Variants in SLC12A1 observed in about 807,000 individuals in gnomAD.
SLC12A1 encodes the protein solute carrier family 12 member 1, also known as Na-K-2Cl cotransporter.
SLC12A1 carries 89 observed loss-of-function variants against 130.4 expected under a neutral mutation model. The ratio of observed to expected loss-of-function variants is 0.68; its 90% CI spans 0.58 to 0.81. The LOEUF is 0.81. Among genes scored for constraint, SLC12A1 ranks in the 40% least tolerant of loss-of-function variants. SLC12A1 has a pLI of 0.00. For missense variants in SLC12A1, 1,310 were observed against 1,336.4 expected, an observed-to-expected ratio of 0.98 and a Z score of 0.31; for synonymous variants, 499 against 460.0, an observed-to-expected ratio of 1.08 and a Z score of -1.09.
chr15:48,285,956 A>G (rs1386830847), intron 21 of SLC12A1, among the ~76,000 whole-genome samples: 1 of 152,222 alleles, frequency 6.6e-6, no homozygotes, highest in Non-Finnish European at 1.5e-5. Context: ...TCAGAATGTT[A>G]CCAGGCATTT....
chr15:48,208,782 C>T (rs984158891), intron 2 of SLC12A1, among the ~76,000 whole-genome samples: 6 of 152,136 alleles, frequency 3.9e-5, no homozygotes, highest in East Asian at 1.9e-4. Context: ...CTATGTCAAT[C>T]GTATAAAAAG....
intron 4 of SLC12A1, chr15:48,225,825 A>G: frequency 1.2e-6 from 1 of 802,548 alleles, no homozygotes; most frequent in African/African-American, 1.9e-5. Context: ...ACCATTTAAT[A>G]CCTTTATTTT....
intron 16 of SLC12A1, among the ~76,000 whole-genome samples, chr15:48,258,391 G>T: frequency 1.5e-5 from 2 of 131,268 alleles, no homozygotes; most frequent in South Asian, 2.8e-4. Flanking sequence ...AAAAAAGAGT[G>T]ACCTTTACTC....
Position 48,292,221 on chromosome 15 carries a change from G to A in SLC12A1, c.2960+357G>A, listed in dbSNP as rs1445134104. Among the ~76,000 whole-genome samples the A allele has an allele frequency of 2.0e-5, 3 of 152,156 alleles. No individual in the cohort carries two copies. The East Asian group carries it at 5.8e-4, about 29-fold the overall frequency. On this transcript the variant is annotated intron_variant, in intron 24 of 26. Coordinates refer to ENST00000380993, the MANE Select transcript of SLC12A1 (RefSeq NM_000338.3). ...CAAGTTTTGTTATTCAGAGTTACTCGTGGGGCAGCCTGGATGGGGAGCTCT... is the reference window on the plus strand; with the variant it reads ...CAAGTTTTGTTATTCAGAGTTACTCATGGGGCAGCCTGGATGGGGAGCTCT...
At chr15:48,207,242 C>T (rs1018796654) in intron 1 of SLC12A1, among the ~76,000 whole-genome samples, 2 of 152,164 alleles carry the variant, frequency 1.3e-5, no homozygotes, top group Non-Finnish European at 1.5e-5. Flanking sequence ...AGTAAAGTTA[C>T]ATCTTTTCTA....
intron 7 of SLC12A1, among the ~76,000 whole-genome samples, chr15:48,231,675 T>C (rs1359550375): frequency 3.3e-5 from 5 of 152,204 alleles, no homozygotes; most frequent in African/African-American, 1.2e-4. Context: ...GCAGGGAAAG[T>C]AAATCTGCAA....
intron 2 of SLC12A1, among the ~76,000 whole-genome samples, chr15:48,219,824 A>C (rs998072185): frequency 6.6e-6 from 1 of 152,056 alleles, no homozygotes; most frequent in African/African-American, 2.4e-5. Flanking sequence ...AGGCCGAGGC[A>C]GGCGGATTGC....
intron 11 of SLC12A1, among the ~76,000 whole-genome samples, chr15:48,245,910 A>G (rs1288092840): frequency 6.6e-6 from 1 of 152,230 alleles, no homozygotes; most frequent in Admixed American, 6.5e-5. Flanking sequence ...AGCCTAGAAG[A>G]CAAAGCTAAG....
At chr15:48,218,891 C>A (rs1193186643) in intron 2 of SLC12A1, among the ~76,000 whole-genome samples, 2 of 152,120 alleles carry the variant, frequency 1.3e-5, no homozygotes, top group African/African-American at 4.8e-5. Flanking sequence ...AAACCCATAT[C>A]TTAAAGAGAA....
chr15:48,297,608 T>C (rs1023935803), intron 24 of SLC12A1, among the ~76,000 whole-genome samples: 2 of 152,202 alleles, frequency 1.3e-5, no homozygotes, highest in African/African-American at 4.8e-5. Flanking sequence ...TCAAAATAAG[T>C]ATACGAAGAG....
intron 25 of SLC12A1, 48 bp downstream of exon 25, chr15:48,299,323 A>C: frequency 6.8e-7 from 1 of 1,468,148 alleles, no homozygotes; most frequent in Non-Finnish European, 9.1e-7. Context: ...CTAGCTGAGA[A>C]AGGAAACAGT....
chr15:48,255,664 T>A (rs1260975809), intron 15 of SLC12A1, 147 bp from the exon 16 acceptor site: 3 of 609,120 alleles, frequency 4.9e-6, no homozygotes. Flanking sequence ...TTTTAGGAAA[T>A]CCCACACTAT....
At chr15:48,238,829 A>AT (rs2041468750) in intron 9 of SLC12A1, among the ~76,000 whole-genome samples, 1 of 152,204 alleles carries the variant, frequency 6.6e-6, no homozygotes, top group Non-Finnish European at 1.5e-5. Flanking sequence ...CAAAGTTCCC[A>AT]TCCAGAACCT....
chr15:48,250,674 C>CACACACACACACACACACACACA (rs1555383559), intron 14 of SLC12A1, among the ~76,000 whole-genome samples: 1,220 of 56,076 alleles, frequency 0.022, 25 homozygotes, highest in South Asian at 0.043. Context: ...AAAATGTCTG[C>CACACACACACACACACACACACA]CTCACACACA....
Position 48,245,887 on chromosome 15 carries a change from G to GCT in SLC12A1, c.1452+983_1452+984insCT, listed in dbSNP as rs2041573773. Among the ~76,000 whole-genome samples, 6 of 152,322 alleles carry GCT rather than the reference G, an allele frequency of 3.9e-5. No homozygotes were observed. In the South Asian group the frequency reaches 1.2e-3, roughly 32 times the overall value. On this transcript the variant is annotated intron_variant, in intron 11 of 26. Coordinates refer to ENST00000380993, the MANE Select transcript of SLC12A1 (RefSeq NM_000338.3). Reference sequence around the variant, plus strand: ...CCTTCAGCTTAGACAAAGCCTTTGAGGTGGCCCTGGAAAGCCTAGAAGACA... The same window carrying GCT: ...CCTTCAGCTTAGACAAAGCCTTTGAGCTGTGGCCCTGGAAAGCCTAGAAGACA...
intron 17 of SLC12A1, among the ~76,000 whole-genome samples, chr15:48,265,974 AATGAG>A (rs1203738155): frequency 2.0e-5 from 3 of 152,246 alleles, no homozygotes; most frequent in Non-Finnish European, 2.9e-5. Context: ...CAGAAACATT[AATGAG>A]ATATTTTACA....
chr15:48,234,942 G>GCCAT lies in SLC12A1; in HGVS notation c.1154_1157dup (p.Phe387HisfsTer62), dbSNP rs1369681529. 2 of 1,613,704 alleles carry GCCAT rather than the reference G, an allele frequency of 1.2e-6. No individual in the cohort carries two copies. Among genetic ancestry groups the GCCAT allele is most frequent in the Non-Finnish European group, 1.7e-6 (2 of 1,179,802 alleles). ...GGGTGAAGGCTTCTTCTCTGTCTTT[G>GCCAT]CCATTTTTTTCCCAGCAGCTACTGG... is the stretch of plus-strand genomic sequence containing the variant. On this transcript the variant is annotated frameshift_variant, in exon 9 of 27. Coordinates refer to ENST00000380993, the MANE Select transcript of SLC12A1 (RefSeq NM_000338.3). LOFTEE classifies it high-confidence loss of function.
intron 9 of SLC12A1, among the ~76,000 whole-genome samples, chr15:48,237,706 T>C (rs2041455209): frequency 1.3e-5 from 2 of 152,222 alleles, no homozygotes; most frequent in African/African-American, 4.8e-5. Context: ...ACTTTTACTA[T>C]ATACAGAACT....
At chr15:48,218,297 T>C (rs1215263379) in intron 2 of SLC12A1, among the ~76,000 whole-genome samples, 1 of 152,164 alleles carries the variant, frequency 6.6e-6, no homozygotes, top group African/African-American at 2.4e-5. Flanking sequence ...GTCACAATAG[T>C]ATCATGAACA....
Sources: allele counts gnomAD v4.1 joint callset (sites outside exome capture counted in the v4.1 genomes callset), GRCh38; gene constraint gnomAD v4.1.1; transcripts MANE v1.5; gene names NCBI Gene and HGNC (gene_info 2026-07-23, HGNC 2026-07-21).